The following RPSA2 variants were observed in gnomAD, a reference collection of about 807,000 sequenced individuals.
RPSA2 encodes ribosomal protein SA 2.
At chr19:23,795,261 GGTTA>G in the RPSA2 span, among the ~76,000 whole-genome samples, 1 of 151,054 alleles carries the variant, frequency 6.6e-6, no homozygotes, top group Non-Finnish European at 1.5e-5. Context: ...TAAATATTGG[GGTTA>G]GTATGACCAT....
the RPSA2 span, among the ~76,000 whole-genome samples, chr19:23,861,239 C>T: frequency 0.012 from 1,801 of 152,218 alleles, 40 homozygotes; most frequent in African/African-American, 0.04. Context: ...AGGCATTGGC[C>T]CTACCCAAAG....
the RPSA2 span, among the ~76,000 whole-genome samples, chr19:23,844,408 T>C: frequency 1.3e-5 from 2 of 152,168 alleles, no homozygotes; most frequent in Non-Finnish European, 2.9e-5. Context: ...TACCCAATGG[T>C]GAAATTTCTG....
the RPSA2 span, among the ~76,000 whole-genome samples, chr19:23,773,314 C>G: frequency 3.4e-5 from 5 of 146,816 alleles, no homozygotes; most frequent in Admixed American, 3.4e-4. Flanking sequence ...AAGACAGAGT[C>G]TCACTGTCAC....
At chr19:23,798,569 TAA>T in the RPSA2 span, among the ~76,000 whole-genome samples, 1 of 152,134 alleles carries the variant, frequency 6.6e-6, no homozygotes, top group Non-Finnish European at 1.5e-5. Context: ...TTTTGAAATG[TAA>T]AGTTTTTCAA....
the RPSA2 span, among the ~76,000 whole-genome samples, chr19:23,836,666 A>T: frequency 6.6e-6 from 1 of 152,202 alleles, no homozygotes; most frequent in Non-Finnish European, 1.5e-5. Flanking sequence ...TGCTGCATCC[A>T]TGCCAACATC....
the RPSA2 span, among the ~76,000 whole-genome samples, chr19:23,764,814 A>AGT: frequency 2.6e-5 from 4 of 151,906 alleles, no homozygotes; most frequent in African/African-American, 7.3e-5. Flanking sequence ...AAAAAAAAAA[A>AGT]GTCTGCGCCT....
chr19:23,832,511 C>G, the RPSA2 span: 63 of 614,482 alleles, frequency 1.0e-4, no homozygotes, highest in African/African-American at 1.0e-3. Flanking sequence ...AAACTCAAAC[C>G]TTACTATATA....
At chr19:23,764,797 CT>C in the RPSA2 span, among the ~76,000 whole-genome samples, 1 of 150,652 alleles carries the variant, frequency 6.6e-6, no homozygotes. Context: ...TGGAACTCCA[CT>C]TTAAAAAAAA....
At chr19:23,791,442 A>G in the RPSA2 span, among the ~76,000 whole-genome samples, 1 of 152,292 alleles carries the variant, frequency 6.6e-6, no homozygotes, top group Middle Eastern at 3.4e-3. Context: ...AGTTTAGATT[A>G]TTTTTTAGAA....
chr19:23,803,945 A>G, the RPSA2 span, among the ~76,000 whole-genome samples: 1 of 152,100 alleles, frequency 6.6e-6, no homozygotes, highest in African/African-American at 2.4e-5. Flanking sequence ...ACAGAAGAAG[A>G]AATAAAAATG....
At chr19:23,787,937 G>C in the RPSA2 span, among the ~76,000 whole-genome samples, 1 of 151,916 alleles carries the variant, frequency 6.6e-6, no homozygotes, top group Non-Finnish European at 1.5e-5. Context: ...TTTTATCTTC[G>C]TTTTGTCCGT....
chr19:23,762,316 G>C, the RPSA2 span, among the ~76,000 whole-genome samples: 14 of 152,096 alleles, frequency 9.2e-5, no homozygotes, highest in Non-Finnish European at 1.5e-4. Context: ...AGTGTGGTAC[G>C]GCATGGTGAG....
At chr19:23,863,646 G>A in the RPSA2 span, among the ~76,000 whole-genome samples, 1 of 150,888 alleles carries the variant, frequency 6.6e-6, no homozygotes, top group African/African-American at 2.4e-5. Context: ...TATAGGACTT[G>A]ATTTCTGTTT....
chr19:23,849,057 A>C, the RPSA2 span, among the ~76,000 whole-genome samples: 1 of 152,184 alleles, frequency 6.6e-6, no homozygotes, highest in African/African-American at 2.4e-5. Flanking sequence ...TTGAGCTCGA[A>C]CCAACATTTC....
At chr19:23,859,381 C>T in the RPSA2 span, among the ~76,000 whole-genome samples, 2 of 152,116 alleles carry the variant, frequency 1.3e-5, no homozygotes, top group African/African-American at 2.4e-5. Context: ...GTAATCCCAG[C>T]AGTTTGGGAG....
chr19:23,782,717 A>G, the RPSA2 span, among the ~76,000 whole-genome samples: 1 of 152,230 alleles, frequency 6.6e-6, no homozygotes, highest in South Asian at 2.1e-4. Context: ...GAATTGTGAT[A>G]TGCCACGTGA....
chr19:23,799,989 A>AT, the RPSA2 span, among the ~76,000 whole-genome samples: 14 of 148,586 alleles, frequency 9.4e-5, no homozygotes, highest in Admixed American at 5.4e-4. Flanking sequence ...TACATTTGAC[A>AT]TTCAGATTTA....
chr19:23,810,701 G>A, the RPSA2 span, among the ~76,000 whole-genome samples: 7 of 152,176 alleles, frequency 4.6e-5, no homozygotes, highest in African/African-American at 1.7e-4. Flanking sequence ...AGGGACCACA[G>A]TAAAGGCCAA....
chr19:23,761,901 A>ATCCTTCCTCCCTTCCTTCCTTCC, the RPSA2 span, among the ~76,000 whole-genome samples: 1 of 34,016 alleles, frequency 2.9e-5, no homozygotes, highest in Admixed American at 3.8e-4. Context: ...GGGTAACGTA[A>ATCCTTCCTCCCTTCCTTCCTTCC]TTCTTTCTTT....
Sources: gnomAD v4.1 joint callset for allele counts (sites outside exome capture counted in the v4.1 genomes callset) on GRCh38, gnomAD v4.1.1 for gene constraint, MANE v1.5 for transcripts, NCBI Gene and HGNC (gene_info 2026-07-23, HGNC 2026-07-21) for gene names.